The following ANKRD17 variants were observed in gnomAD, a reference collection of about 807,000 sequenced individuals.
The protein encoded by ANKRD17 is ankyrin repeat domain 17, also known as ankyrin repeat domain-containing protein 17.
Under a neutral mutation model 229.7 loss-of-function variants are expected in ANKRD17, and 19 were observed. That is an observed-to-expected ratio of 0.08 (90% CI 0.06 to 0.12). The LOEUF is 0.12. Ranked by LOEUF, ANKRD17 falls within the 10% of genes least tolerant of loss-of-function variation. The pLI, the probability that ANKRD17 is intolerant of heterozygous loss-of-function variation, is 1.00. For missense variants in ANKRD17, 2,176 were observed against 3,176.8 expected, an observed-to-expected ratio of 0.68 and a Z score of 7.57; for synonymous variants, 1,112 against 1,146.1, an observed-to-expected ratio of 0.97 and a Z score of 0.60.
At chr4:73,254,522 C>G (rs1349320585) in intron 1 of ANKRD17, among the ~76,000 whole-genome samples, 2 of 152,148 alleles carry the variant, frequency 1.3e-5, no homozygotes, top group Non-Finnish European at 2.9e-5. Flanking sequence ...AATCTCAGCA[C>G]TCTGGGAGGC....
At chr4:73,230,272 A>G (rs1434401777) in intron 1 of ANKRD17, among the ~76,000 whole-genome samples, 1 of 152,158 alleles carries the variant, frequency 6.6e-6, no homozygotes, top group Non-Finnish European at 1.5e-5. Context: ...TCTAAATATA[A>G]GGAATGGTAG....
At chr4:73,151,111 T>A (rs557611035) in intron 7 of ANKRD17, among the ~76,000 whole-genome samples, 38 of 152,228 alleles carry the variant, frequency 2.5e-4, no homozygotes, top group Non-Finnish European at 5.0e-4. Context: ...AATTTGTTAA[T>A]CCAATCCTCC....
chr4:73,200,776 C>T (rs913285706), intron 1 of ANKRD17, among the ~76,000 whole-genome samples: 1 of 151,864 alleles, frequency 6.6e-6, no homozygotes, highest in Non-Finnish European at 1.5e-5. Flanking sequence ...AAATGCTTAT[C>T]AAAAAACCTG....
chr4:73,219,934 C>A (rs564698210), intron 1 of ANKRD17, among the ~76,000 whole-genome samples: 7 of 152,174 alleles, frequency 4.6e-5, no homozygotes, highest in Non-Finnish European at 8.8e-5. Flanking sequence ...TACTAAGACT[C>A]CTAAAACTGG....
chr4:73,205,656 GA>G (rs1194370655), intron 1 of ANKRD17, among the ~76,000 whole-genome samples: 1 of 152,090 alleles, frequency 6.6e-6, no homozygotes, highest in Admixed American at 6.6e-5. Context: ...AAATACAGGG[GA>G]AAAGCTCCAT....
At chr4:73,144,875 T>G (rs1440972515) in intron 10 of ANKRD17, 43 bp from the exon 11 acceptor site, 2 of 1,352,526 alleles carry the variant, frequency 1.5e-6, no homozygotes, top group Admixed American at 4.4e-5. Context: ...TAATTGCCAG[T>G]GAACAAGTAT....
intron 1 of ANKRD17, among the ~76,000 whole-genome samples, chr4:73,193,398 A>C (rs1737396557): frequency 6.6e-6 from 1 of 152,220 alleles, no homozygotes; most frequent in African/African-American, 2.4e-5. Context: ...AGGTCATATG[A>C]GAAGTGTATG....
chr4:73,255,856 T>C (rs1286132955), intron 1 of ANKRD17, among the ~76,000 whole-genome samples: 2 of 152,144 alleles, frequency 1.3e-5, no homozygotes, highest in South Asian at 2.1e-4. Context: ...CCCAAGTAGC[T>C]GAGATTACAG....
chr4:73,198,065 C>G (rs1738138683), intron 1 of ANKRD17, among the ~76,000 whole-genome samples: 1 of 152,084 alleles, frequency 6.6e-6, no homozygotes, highest in Admixed American at 6.5e-5. Flanking sequence ...TCCATACATA[C>G]AATCTAAAAA....
intron 29 of ANKRD17, among the ~76,000 whole-genome samples, chr4:73,086,755 T>C (rs1231732914): frequency 1.3e-5 from 2 of 150,758 alleles, no homozygotes; most frequent in Non-Finnish European, 1.5e-5. Flanking sequence ...CACCTAGCTA[T>C]ATTTTTGTTT....
chr4:73,142,739 A>G lies in ANKRD17; in HGVS notation c.1986T>C (p.Asn662=). 6.2e-7 allele frequency: 1 copy of G among 1,613,684 alleles called. No individual in the cohort carries two copies. The highest frequency in any genetic ancestry group is 8.5e-7 in the Non-Finnish European group (1 of 1,179,770). ...CCAGGGACAGTACAGTATGGTCATTATTAGCTGTGGTTCTATTCACATTCG... is the reference window on the plus strand; with the variant it reads ...CCAGGGACAGTACAGTATGGTCATTGTTAGCTGTGGTTCTATTCACATTCG... The part of the protein sequence containing the change: ...KGANVNRTTA[N]NDHTVLSLAC... Residue 662 remains asparagine, a synonymous_variant, in exon 12 of 34, where the codon AAT becomes AAC. Transcript: ENST00000358602.
intron 15 of ANKRD17, among the ~76,000 whole-genome samples, chr4:73,138,623 A>C (rs1729210202): frequency 6.6e-6 from 1 of 152,170 alleles, no homozygotes; most frequent in Non-Finnish European, 1.5e-5. Context: ...AAGAGATCAG[A>C]TGGAAGTCAC....
chr4:73,238,110 C>T (rs749238202), intron 1 of ANKRD17, among the ~76,000 whole-genome samples: 19 of 149,806 alleles, frequency 1.3e-4, no homozygotes, highest in Non-Finnish European at 1.8e-4. Flanking sequence ...AAAAACCAAC[C>T]ATCTCAGTAG....
At chr4:73,125,647 C>T (rs189677994) in intron 16 of ANKRD17, among the ~76,000 whole-genome samples, 124 of 150,646 alleles carry the variant, frequency 8.2e-4, no homozygotes, top group Admixed American at 3.8e-3. Context: ...GCAGAAGAAT[C>T]GCTTGAACCT....
At chr4:73,252,349 C>G (rs1245255230) in intron 1 of ANKRD17, among the ~76,000 whole-genome samples, 1 of 152,234 alleles carries the variant, frequency 6.6e-6, no homozygotes, top group African/African-American at 2.4e-5. Context: ...TGTGATCAAT[C>G]TTGGACCCAC....
chr4:73,222,686 C>T (rs1168548928), intron 1 of ANKRD17, among the ~76,000 whole-genome samples: 1 of 152,214 alleles, frequency 6.6e-6, no homozygotes, highest in Non-Finnish European at 1.5e-5. Flanking sequence ...AAGGTCACCA[C>T]CAGCACAAGG....
Position 73,106,187 on chromosome 4 carries a change from T to C in ANKRD17, c.4402-3640A>G, listed in dbSNP as rs1053792416. ...TGAACCTGGGAGACGGAGCTTGCAGTGAGCCGAGATCGCGCCACTGCACTC... is the reference window on the plus strand; with the variant it reads ...TGAACCTGGGAGACGGAGCTTGCAGCGAGCCGAGATCGCGCCACTGCACTC... On this transcript the variant is annotated intron_variant, in intron 24 of 33. Coordinates refer to ENST00000358602, the MANE Select transcript of ANKRD17 (RefSeq NM_032217.5). Among the ~76,000 whole-genome samples the C allele has an allele frequency of 5.3e-5, 8 of 152,038 alleles. No homozygotes were observed. The South Asian group carries it at 6.2e-4, about 12-fold the overall frequency.
At position 73,077,077 on chromosome 4, in the gene ANKRD17, C is replaced by T. The variant is rs374855554; in HGVS notation, c.7615G>A (p.Ala2539Thr). Residue 2539 changes from alanine (A) to threonine (T), a missense_variant, in exon 33 of 34, where the codon GCA becomes ACA. By Grantham distance (58) the Ala-to-Thr change is moderately conservative. Around this residue, in one of 18 missense-constraint regions of ANKRD17, gnomAD observed 159 missense variants for 214.3 expected, o/e 0.74. Transcript: ENST00000358602. ...GGMPFSVYGN[A>T]MIPPVAPIPD... ...ATAGGTGCTACTGGAGGAATCATTG[C>T]ATTCCCATACACAGAAAAAGGCATA... The T allele has an allele frequency of 1.9e-5, 30 of 1,606,308 alleles. No individual in the cohort carries two copies. The highest frequency in any genetic ancestry group is 2.5e-5 in the Non-Finnish European group (30 of 1,177,306).
intron 27 of ANKRD17, among the ~76,000 whole-genome samples, chr4:73,094,724 G>GTATA (rs34281628): frequency 3.6e-4 from 53 of 148,400 alleles, no homozygotes; most frequent in Admixed American, 1.1e-3. Flanking sequence ...GTATATATGT[G>GTATA]TATATATATA....
Sources: gnomAD v4.1 joint callset for allele counts (sites outside exome capture counted in the v4.1 genomes callset) on GRCh38, gnomAD v4.1.1 for gene constraint, gnomAD v4.1.1 regional missense constraint, MANE v1.5 for transcripts, NCBI Gene and HGNC (gene_info 2026-07-23, HGNC 2026-07-21) for gene names.